ANKRD44: variants seen among roughly 807,000 people sequenced by gnomAD.
The protein encoded by ANKRD44 is ankyrin repeat domain 44.
In ANKRD44, 35 loss-of-function variants were observed where a neutral mutation model predicts 116.0. That is an observed-to-expected ratio of 0.30 (90% confidence interval 0.23 to 0.40). The LOEUF is 0.40. Ranked by LOEUF, ANKRD44 falls within the 10% of genes least tolerant of loss-of-function variation. The probability of loss-of-function intolerance (pLI) is 1.00; values close to 1 mark genes in which losing one functional copy is unlikely to be tolerated. For synonymous variants in ANKRD44, 435 were observed against 461.8 expected (o/e 0.94, Z 0.74); for missense variants, 1,014 against 1,242.6 (o/e 0.82, Z 2.77).
intron 6 of ANKRD44, 152 bp downstream of exon 6, chr2:197,125,229 G>A (rs1476064786): frequency 4.5e-6 from 3 of 669,656 alleles, no homozygotes; most frequent in Non-Finnish European, 5.3e-6. Context: ...AGTGCACTAT[G>A]CATGCCAGTA....
At chr2:197,143,838 AGGC>A (rs2125417806) in intron 3 of ANKRD44, among the ~76,000 whole-genome samples, 1 of 152,304 alleles carries the variant, frequency 6.6e-6, no homozygotes, top group East Asian at 1.9e-4. Flanking sequence ...CATGTTGGCC[AGGC>A]TGGTCTTGAA....
chr2:196,993,238 C>T lies in ANKRD44; in HGVS notation c.2923+345G>A, dbSNP rs1482250761. Among the ~76,000 whole-genome samples the T allele has an allele frequency of 3.3e-5, 5 of 152,306 alleles. No homozygotes were observed. The East Asian group carries it at 9.6e-4, about 29-fold the overall frequency. ...TGAGCCCTTGAGCATGCATTAATGA[C>T]ATGTGTAGTCCCTAACTCTTCAGCA... On this transcript the variant is annotated intron_variant, in intron 27 of 27. Transcript: ENST00000282272.
At chr2:197,213,594 C>A (rs971626164) in intron 1 of ANKRD44, among the ~76,000 whole-genome samples, 1 of 152,212 alleles carries the variant, frequency 6.6e-6, no homozygotes, top group South Asian at 2.1e-4. Context: ...CACTTGAGCA[C>A]TGTGCAGTCT....
intron 2 of ANKRD44, among the ~76,000 whole-genome samples, chr2:197,173,563 T>C (rs1358329496): frequency 2.0e-5 from 3 of 152,184 alleles, no homozygotes; most frequent in African/African-American, 4.8e-5. Flanking sequence ...CTAGTTTCCC[T>C]GCTTGAGAGA....
chr2:197,182,409 G>A (rs1332024116), intron 2 of ANKRD44, among the ~76,000 whole-genome samples: 2 of 152,098 alleles, frequency 1.3e-5, no homozygotes, highest in Non-Finnish European at 2.9e-5. Context: ...GATACCTGAG[G>A]GAAACTAACT....
At chr2:197,193,279 A>G (rs1049739180) in intron 1 of ANKRD44, among the ~76,000 whole-genome samples, 2 of 152,134 alleles carry the variant, frequency 1.3e-5, no homozygotes, top group Non-Finnish European at 2.9e-5. Context: ...CTTTAATACC[A>G]CTAGTTATCA....
At chr2:196,995,810 A>G (rs1423370807) in intron 25 of ANKRD44, among the ~76,000 whole-genome samples, 4 of 152,220 alleles carry the variant, frequency 2.6e-5, no homozygotes, top group Non-Finnish European at 5.9e-5. Flanking sequence ...GAATCCTATA[A>G]CATTTAGCAT....
rs1231284957 is a variant in ANKRD44, at chr2:196,987,955, G to A, written c.*1636C>T. 4.1e-6 allele frequency: 4 copies of A among 985,142 alleles called. No individual in the cohort carries two copies. The highest frequency in any genetic ancestry group is 3.5e-5 in the African/African-American group (2 of 57,188). 61.0% of individuals were successfully genotyped at this position (985,142 alleles called of 1,614,324 possible). A position where few individuals can be genotyped will look rare whatever the true frequency, so the allele number is the denominator to read the frequency against. ...TTCTTTAAAAAAATTTTGCCTTGGG[G>A]TATGGGAGAAAGAGAAAGAGAGGAA... On this transcript the variant is annotated 3_prime_UTR_variant, in exon 28 of 28. Transcript: ENST00000282272.
At chr2:197,270,777 G>T (rs1027613374) in intron 1 of ANKRD44, among the ~76,000 whole-genome samples, 2 of 152,168 alleles carry the variant, frequency 1.3e-5, no homozygotes, top group Non-Finnish European at 2.9e-5. Context: ...AGTGGGTACC[G>T]GCAGGCAGGA....
intron 17 of ANKRD44, chr2:197,015,158 G>T: frequency 4.0e-6 from 1 of 250,840 alleles, no homozygotes; most frequent in South Asian, 5.0e-5. Flanking sequence ...TTGTGTTGAA[G>T]AGGTAGATGC....
At chr2:197,210,661 C>T (rs1410177119) in intron 1 of ANKRD44, among the ~76,000 whole-genome samples, 1 of 151,964 alleles carries the variant, frequency 6.6e-6, no homozygotes, top group Non-Finnish European at 1.5e-5. Flanking sequence ...AAGGATCACC[C>T]CCACCTGTTG....
At chr2:197,111,051 A>G (rs2078553295) in intron 8 of ANKRD44, among the ~76,000 whole-genome samples, 1 of 152,196 alleles carries the variant, frequency 6.6e-6, no homozygotes, top group Admixed American at 6.5e-5. Context: ...ATTCTTCTAA[A>G]TAAAATAAAA....
In ANKRD44 at chr2:197,211,015, C is replaced by T. The variant is rs571715565; in HGVS notation, c.28-23909G>A. ...TAGACGCCACTGTGCACCTGCATGCCGAGAAAAGGCAGCGGGCCAGGAGGA... is the reference window on the plus strand; with the variant it reads ...TAGACGCCACTGTGCACCTGCATGCTGAGAAAAGGCAGCGGGCCAGGAGGA... On this transcript the variant is annotated intron_variant, in intron 1 of 27. Transcript: ENST00000282272. Among the ~76,000 whole-genome samples the T allele has an allele frequency of 5.3e-5, 8 of 152,210 alleles. No individual in the cohort carries two copies. The South Asian group carries it at 8.3e-4, about 16-fold the overall frequency.
chr2:197,174,720 C>T (rs1261819764), intron 2 of ANKRD44, among the ~76,000 whole-genome samples: 1 of 152,184 alleles, frequency 6.6e-6, no homozygotes, highest in Non-Finnish European at 1.5e-5. Context: ...GTGCAGGTGA[C>T]TCAACCATAA....
At chr2:197,274,678 G>C (rs998349115) in intron 1 of ANKRD44, among the ~76,000 whole-genome samples, 1 of 152,152 alleles carries the variant, frequency 6.6e-6, no homozygotes, top group Non-Finnish European at 1.5e-5. Flanking sequence ...TCACACCCCA[G>C]ATTCCATCTT....
rs1196096442 is a variant in ANKRD44 at position 197,256,876 on chromosome 2, G to A, written c.27+53702C>T. ...CAGTAAATTGTAAACTGTCCTGTAA[G>A]GGGGCTTCAGCCTTCTCATAGATCA... is the stretch of plus-strand genomic sequence containing the variant. On this transcript the variant is annotated intron_variant, in intron 1 of 27. Coordinates refer to ENST00000282272, the MANE Select transcript of ANKRD44 (RefSeq NM_001195144.2). Among the ~76,000 whole-genome samples, 3 of 152,154 alleles carry A rather than the reference G, an allele frequency of 2.0e-5. No homozygotes were observed. In the South Asian group the frequency reaches 6.2e-4, roughly 31 times the overall value.
chr2:197,217,060 T>C (rs1414675358), intron 1 of ANKRD44, among the ~76,000 whole-genome samples: 2 of 152,212 alleles, frequency 1.3e-5, no homozygotes, highest in Non-Finnish European at 2.9e-5. Context: ...TGAAAAAGGT[T>C]TGACTATTTT....
chr2:197,222,167 C>G (rs761131512), intron 1 of ANKRD44, among the ~76,000 whole-genome samples: 3 of 152,114 alleles, frequency 2.0e-5, no homozygotes, highest in Non-Finnish European at 4.4e-5. Context: ...TGATAACTGC[C>G]CTGTGTCCTG....
intron 1 of ANKRD44, among the ~76,000 whole-genome samples, chr2:197,255,045 A>C (rs1241371948): frequency 1.3e-5 from 2 of 152,250 alleles, no homozygotes; most frequent in Non-Finnish European, 2.9e-5. Flanking sequence ...AGGGCAGCCA[A>C]GGAGATTCCC....
Sources: gnomAD v4.1 joint callset for allele counts (sites outside exome capture counted in the v4.1 genomes callset) on GRCh38, gnomAD v4.1.1 for gene constraint, MANE v1.5 for transcripts, NCBI Gene and HGNC (gene_info 2026-07-23, HGNC 2026-07-21) for gene names.